Variants in NADK2 observed in about 807,000 individuals in gnomAD.
The protein encoded by NADK2 is NAD kinase domain-containing protein 1, mitochondrial.
Under a neutral mutation model 62.1 loss-of-function variants are expected in NADK2, and 35 were observed. The ratio of observed to expected loss-of-function variants is 0.56; its 90% CI spans 0.43 to 0.75. The LOEUF (loss-of-function observed/expected upper bound fraction) is 0.75, where lower values mean the gene tolerates loss of function less well. Among genes scored for constraint, NADK2 ranks in the 30% least tolerant of loss-of-function variants. The pLI, the probability that NADK2 is intolerant of heterozygous loss-of-function variation, is 0.00. For missense variants in NADK2, 439 were observed against 561.3 expected, an observed-to-expected ratio of 0.78 and a Z score of 2.20; for synonymous variants, 205 against 207.9, an observed-to-expected ratio of 0.99 and a Z score of 0.12.
rs1392296362 is a variant in NADK2 at position 36,201,169 on chromosome 5, CA to C, written c.957-9del. On this transcript the variant is annotated splice_polypyrimidine_tract_variant and intron_variant, in intron 8 of 11. Coordinates refer to ENST00000381937, the MANE Select transcript of NADK2 (RefSeq NM_001085411.3). ...CTGTTAATATTGAATGACCTAGAAA[CA>C]AAAATCACATAATTCTTAGTTTTAA... 2 of 1,606,148 alleles carry C rather than the reference CA, an allele frequency of 1.2e-6. No homozygotes were observed. Among genetic ancestry groups the C allele is most frequent in the African/African-American group, 2.7e-5 (2 of 74,484 alleles).
intron 10 of NADK2, among the ~76,000 whole-genome samples, chr5:36,198,897 C>G (rs373309128): frequency 4.6e-5 from 7 of 151,756 alleles, no homozygotes; most frequent in East Asian, 3.9e-4. Flanking sequence ...AACTGTCCCC[C>G]CAACAAAGGA....
At chr5:36,203,545 A>C (rs1485168619) in intron 8 of NADK2, among the ~76,000 whole-genome samples, 1 of 152,080 alleles carries the variant, frequency 6.6e-6, no homozygotes, top group South Asian at 2.1e-4. Context: ...CTTGTGAGAA[A>C]GACTTTTATA....
At chr5:36,238,124 T>C (rs1043815805) in intron 1 of NADK2, among the ~76,000 whole-genome samples, 36 of 152,234 alleles carry the variant, frequency 2.4e-4, no homozygotes, top group African/African-American at 8.7e-4. Context: ...TCATATTGTA[T>C]GTAATATACT....
chr5:36,200,135 A>AT (rs1746381632), intron 10 of NADK2, 92 bp downstream of exon 10: 4 of 820,726 alleles, frequency 4.9e-6, no homozygotes, highest in Non-Finnish European at 7.2e-6. Flanking sequence ...AGTAAAAAAA[A>AT]GTACTTTGCT....
At chr5:36,197,798 G>T (rs148609859) in intron 10 of NADK2, 134 bp from the exon 11 acceptor site, 2 of 676,608 alleles carry the variant, frequency 3.0e-6, no homozygotes, top group African/African-American at 3.8e-5. Context: ...CTTGAAACTC[G>T]TAACACATAT....
chr5:36,204,862 A>C (rs1404612706), intron 8 of NADK2, among the ~76,000 whole-genome samples: 1 of 152,066 alleles, frequency 6.6e-6, no homozygotes, highest in Non-Finnish European at 1.5e-5. Context: ...GCATGTGTTG[A>C]TAATTACTGA....
rs78495261 is a variant in NADK2 at position 36,238,695 on chromosome 5, A to T, written c.300+2804T>A. Among the ~76,000 whole-genome samples the T allele has an allele frequency of 5.3e-5, 8 of 152,356 alleles. No individual in the cohort carries two copies. The East Asian group carries it at 1.5e-3, about 29-fold the overall frequency. On this transcript the variant is annotated intron_variant, in intron 1 of 11. Transcript: ENST00000381937. Reference sequence around the variant, plus strand: ...AATGATGCAAGTAAATTGTAATAATAGTTTTACTGGCCTTTGAAAGGTCAT... The same window carrying T: ...AATGATGCAAGTAAATTGTAATAATTGTTTTACTGGCCTTTGAAAGGTCAT...
intron 2 of NADK2, 66 bp downstream of exon 2, chr5:36,227,411 G>A (rs112918830): frequency 1.5e-5 from 11 of 715,448 alleles, no homozygotes; most frequent in African/African-American, 1.5e-4. Context: ...TGGGCTGCTA[G>A]TACAAAATAA....
chr5:36,200,970 T>A, intron 9 of NADK2, 136 bp downstream of exon 9: 1 of 673,302 alleles, frequency 1.5e-6, no homozygotes, highest in Non-Finnish European at 2.6e-6. Flanking sequence ...TCAGTGATAT[T>A]GTGAAGAAAG....
chr5:36,219,653 A>T lies in NADK2; in HGVS notation c.587T>A (p.Val196Asp). The change falls in exon 5 of 12, where the codon GTT becomes GAT. Residue 196 changes from valine to aspartate, a missense_variant. Physicochemically the swap from Val to Asp is radical, Grantham distance 152 (BLOSUM62 -3). Transcript: ENST00000381937. ...ERSEGHLCLP[V>D]RYTHSFPEAL... is the part of the protein sequence containing the mutation. ...TTCTGGAAAGGAATGTGTATATCGA[A>T]CGGGCAGGCATAAATGACCCTCAGA... 6.2e-7 allele frequency: 1 copy of T among 1,614,068 alleles called. No individual in the cohort carries two copies. The highest frequency in any genetic ancestry group is 8.5e-7 in the Non-Finnish European group (1 of 1,179,954).
intron 9 of NADK2, 73 bp from the exon 10 acceptor site, chr5:36,200,353 AG>A: frequency 1.1e-6 from 1 of 941,914 alleles, no homozygotes. Flanking sequence ...TCCTTGAAAA[AG>A]GGGGAAAAAT....
At chr5:36,203,632 T>C (rs772106212) in intron 8 of NADK2, among the ~76,000 whole-genome samples, 19 of 152,038 alleles carry the variant, frequency 1.2e-4, no homozygotes, top group African/African-American at 3.6e-4. Context: ...CCCATACTTA[T>C]CGAAATGCAA....
chr5:36,233,180 C>T (rs1648049341), intron 1 of NADK2, among the ~76,000 whole-genome samples: 1 of 152,156 alleles, frequency 6.6e-6, no homozygotes. Flanking sequence ...CAACTCTTAT[C>T]TGGTCTAATG....
chr5:36,197,808 T>C, intron 10 of NADK2, 144 bp from the exon 11 acceptor site: 1 of 633,226 alleles, frequency 1.6e-6, no homozygotes, highest in East Asian at 3.2e-5. Flanking sequence ...GTAACACATA[T>C]TCCATTAAAA....
In NADK2 at chr5:36,219,658, C is replaced by T; in HGVS notation, c.582G>A (p.Leu194=). 1 of 1,613,772 alleles carries T rather than the reference C, an allele frequency of 6.2e-7. No individual in the cohort carries two copies. Among genetic ancestry groups the T allele is most frequent in the Non-Finnish European group, 8.5e-7 (1 of 1,179,852 alleles). ...DPERSEGHLC[L]PVRYTHSFPE... is the part of the protein sequence containing the mutation. ...GAAAGGAATGTGTATATCGAACGGG[C>T]AGGCATAAATGACCCTCAGACCTAT... The change falls in exon 5 of 12, where the codon CTG becomes CTA. Residue 194 remains leucine, a synonymous_variant. Transcript: ENST00000381937.
rs182396165 is a variant in NADK2, at chr5:36,230,340, A to G, written c.301-2775T>C. Among the ~76,000 whole-genome samples, 376 of 152,356 alleles carry G rather than the reference A, an allele frequency of 2.5e-3. 4 individuals carry two copies. The highest frequency in any genetic ancestry group is 8.6e-3 in the African/African-American group (358 of 41,576). On this transcript the variant is annotated intron_variant, in intron 1 of 11. Transcript: ENST00000381937. ...TGACTCTTTTTAACCCTGGGGTGCC[A>G]GGACTGCTGAAACAGCTGCTGCTAG...
At chr5:36,214,635 G>T (rs901804006) in intron 6 of NADK2, among the ~76,000 whole-genome samples, 1 of 152,130 alleles carries the variant, frequency 6.6e-6, no homozygotes, top group African/African-American at 2.4e-5. Flanking sequence ...CTTGCACTAG[G>T]TGGAGCCATG....
rs762584434 is a variant in NADK2, at chr5:36,195,271, C to T, written c.1202G>A (p.Arg401His). 11 of 1,609,176 alleles carry T rather than the reference C, an allele frequency of 6.8e-6. 1 individual carries two copies. The highest frequency in any genetic ancestry group is 1.6e-4 in the Middle Eastern group (1 of 6,070). The change falls in exon 12 of 12, where the codon CGT becomes CAT. Residue 401 changes from arginine to histidine, a missense_variant. Physicochemically the swap from Arg to His is conservative, Grantham distance 29. Transcript: ENST00000381937. Reference sequence around the variant, plus strand: ...CATACAGGCATCCCAACAACGAGAACGAACACAAACCCTAGGCAGAAGGAA... The same window carrying T: ...CATACAGGCATCCCAACAACGAGAATGAACACAAACCCTAGGCAGAAGGAA... ...QRCFSSKVCVRSRCWDACMVV... is the reference protein window; with the variant it reads ...QRCFSSKVCVHSRCWDACMVV...
intron 1 of NADK2, among the ~76,000 whole-genome samples, chr5:36,231,421 C>T (rs1200748824): frequency 6.6e-6 from 1 of 152,138 alleles, no homozygotes; most frequent in African/African-American, 2.4e-5. Context: ...TTCTTGTGAA[C>T]TAACTTTCTA....
Sources: allele counts gnomAD v4.1 joint callset (sites outside exome capture counted in the v4.1 genomes callset), GRCh38; gene constraint gnomAD v4.1.1; transcripts MANE v1.5; gene names NCBI Gene and HGNC (gene_info 2026-07-23, HGNC 2026-07-21).